Variants in SLBP observed in about 807,000 individuals in gnomAD.
SLBP encodes histone RNA hairpin-binding protein.
A neutral mutation model predicts 39.2 loss-of-function variants in SLBP; 29 were observed. The ratio of observed to expected loss-of-function variants is 0.74; its 90% CI spans 0.55 to 1.01. The LOEUF is 1.01. SLBP is among the 50% of genes least tolerant of loss of function. The pLI is 0.00. For synonymous variants in SLBP, 129 were observed against 118.7 expected, an observed-to-expected ratio of 1.09 and a Z score of -0.57; for missense variants, 390 against 350.2, an observed-to-expected ratio of 1.11 and a Z score of -0.91.
chr4:1,699,339 A>C (rs1430965341), intron 5 of SLBP, among the ~76,000 whole-genome samples: 2 of 152,214 alleles, frequency 1.3e-5, no homozygotes, highest in Non-Finnish European at 2.9e-5. Flanking sequence ...ATGTTATCTA[A>C]CATTCAAAAT....
At chr4:1,698,888 C>G (rs1342705911) in intron 5 of SLBP, among the ~76,000 whole-genome samples, 1 of 152,044 alleles carries the variant, frequency 6.6e-6, no homozygotes. Flanking sequence ...AATTCCTGGG[C>G]TGAAGCAGTT....
intron 6 of SLBP, among the ~76,000 whole-genome samples, chr4:1,695,461 G>A (rs1452483078): frequency 6.6e-6 from 1 of 152,188 alleles, no homozygotes; most frequent in Non-Finnish European, 1.5e-5. Context: ...TTGCCATGAT[G>A]CAGCAAAAGT....
At chr4:1,694,021 C>G (rs1274789447) in intron 7 of SLBP, among the ~76,000 whole-genome samples, 3 of 152,202 alleles carry the variant, frequency 2.0e-5, no homozygotes, top group South Asian at 2.1e-4. Context: ...AAAGCCTAGA[C>G]AAAACCACAA....
At chr4:1,701,479 T>C (rs768072478) in intron 3 of SLBP, among the ~76,000 whole-genome samples, 3 of 152,216 alleles carry the variant, frequency 2.0e-5, no homozygotes, top group Non-Finnish European at 4.4e-5. Context: ...ATATTGCTAG[T>C]TTGTAGTCTG....
At chr4:1,694,743 C>T in intron 7 of SLBP, 31 bp downstream of exon 7, 2 of 1,533,118 alleles carry the variant, frequency 1.3e-6, no homozygotes, top group Non-Finnish European at 1.8e-6. Context: ...CCTGCAACCC[C>T]CAAGCTGAAA....
chr4:1,703,355 T>C (rs1716401523), intron 3 of SLBP, among the ~76,000 whole-genome samples: 1 of 152,082 alleles, frequency 6.6e-6, no homozygotes, highest in South Asian at 2.1e-4. Context: ...GACAGTGGTC[T>C]TCAAGCTTGA....
Position 1,712,293 on chromosome 4 carries a change from G to A in SLBP, c.-105C>T, listed in dbSNP as rs552592290. The stretch of plus-strand genomic sequence containing the variant: ...GGCAGGGCCTGAGGCAGAAACCCGC[G>A]TCCCCGCGCCGGCGCTCACGAGCTC... On this transcript the variant is annotated 5_prime_UTR_variant, in exon 1 of 8. In the 5' UTR this introduces an upstream ATG that the reference lacks. Transcript: ENST00000489418. The A allele has an allele frequency of 1.0e-5, 7 of 685,046 alleles. No individual in the cohort carries two copies. The highest frequency in any genetic ancestry group is 7.7e-5 in the African/African-American group (4 of 51,784). The allele number at this position is 685,046 out of a possible 1,614,324, so 42.4% of individuals were successfully genotyped here. A position where few individuals can be genotyped will look rare whatever the true frequency, so the allele number is the denominator to read the frequency against.
intron 5 of SLBP, among the ~76,000 whole-genome samples, chr4:1,696,613 A>G (rs1260629937): frequency 1.3e-5 from 2 of 151,900 alleles, no homozygotes; most frequent in African/African-American, 4.8e-5. Context: ...AAAAACAGCT[A>G]GGGGCTGGGA....
Position 1,711,974 on chromosome 4 carries a change from G to T in SLBP, c.76C>A (p.Arg26=), listed in dbSNP as rs1279170489. The T allele has an allele frequency of 3.8e-6, 5 of 1,303,614 alleles. No individual in the cohort carries two copies. Among genetic ancestry groups the T allele is most frequent in the Non-Finnish European group, 3.9e-6 (4 of 1,026,618 alleles). 80.8% of individuals were successfully genotyped at this position (1,303,614 alleles called of 1,614,324 possible). The change falls in exon 2 of 8, where the codon CGA becomes AGA. Residue 26 remains arginine (R), a synonymous_variant. Coordinates refer to ENST00000489418, the MANE Select transcript of SLBP (RefSeq NM_006527.4). ...DGDASPPSPA[R]WSLGRKRRAD... ...CTGCGCTTCCGTCCCAGGCTCCATCGCGCGGGGGACGGCGGGCTGCGGGGA... is the reference window on the plus strand; with the variant it reads ...CTGCGCTTCCGTCCCAGGCTCCATCTCGCGGGGGACGGCGGGCTGCGGGGA...
Position 1,700,000 on chromosome 4 carries a change from A to C in SLBP, c.341+11T>G. 6.4e-7 allele frequency: 1 copy of C among 1,562,184 alleles called. No homozygotes were observed. Among genetic ancestry groups the C allele is most frequent in the Non-Finnish European group, 8.7e-7 (1 of 1,151,760 alleles). On this transcript the variant is annotated intron_variant, in intron 4 of 7. Transcript: ENST00000489418. The stretch of plus-strand genomic sequence containing the variant: ...ATCAAATTAGAAAAGAAACATTTAC[A>C]CAGCCTTTACCTTCCTGATGATGAT...
At chr4:1,698,871 A>G (rs1333874594) in intron 5 of SLBP, among the ~76,000 whole-genome samples, 1 of 152,074 alleles carries the variant, frequency 6.6e-6, no homozygotes, top group African/African-American at 2.4e-5. Context: ...GGTTCACTGT[A>G]ACGTTGAATT....
chr4:1,712,206 G>A lies in SLBP; in HGVS notation c.-18C>T. 2.4e-6 allele frequency: 3 copies of A among 1,245,156 alleles called. No homozygotes were observed. Among genetic ancestry groups the A allele is most frequent in the Non-Finnish European group, 2.0e-6 (2 of 996,508 alleles). 77.1% of individuals were successfully genotyped at this position (1,245,156 alleles called of 1,614,324 possible). A position where few individuals can be genotyped will look rare whatever the true frequency, so the allele number is the denominator to read the frequency against. On this transcript the variant is annotated 5_prime_UTR_variant, in exon 1 of 8. Coordinates refer to ENST00000489418, the MANE Select transcript of SLBP (RefSeq NM_006527.4). Reference sequence around the variant, plus strand: ...CAGGCCATGGCAGCACGGGCCGGGCGCGCAGCGCAGGGCCGAGGCTGAGGC... The same window carrying A: ...CAGGCCATGGCAGCACGGGCCGGGCACGCAGCGCAGGGCCGAGGCTGAGGC...
intron 3 of SLBP, among the ~76,000 whole-genome samples, chr4:1,701,197 G>A (rs1716315157): frequency 6.8e-6 from 1 of 146,782 alleles, no homozygotes; most frequent in Non-Finnish European, 1.5e-5. Flanking sequence ...CCAGACTGGA[G>A]TGCAATGGCG....
chr4:1,698,032 T>C (rs1577178789), intron 5 of SLBP, among the ~76,000 whole-genome samples: 1 of 151,174 alleles, frequency 6.6e-6, no homozygotes, highest in Non-Finnish European at 1.5e-5. Flanking sequence ...GAGGTTGAGG[T>C]AGGAGGATTG....
chr4:1,706,410 T>C (rs1168010685), intron 2 of SLBP, among the ~76,000 whole-genome samples: 1 of 152,256 alleles, frequency 6.6e-6, no homozygotes, highest in Non-Finnish European at 1.5e-5. Context: ...GAGTCCTTGC[T>C]GTGTCAGGAC....
rs1716310960 is a variant in SLBP at position 1,701,148 on chromosome 4, T to TTTC, written c.282-1079_282-1078insGAA. Among the ~76,000 whole-genome samples, 11 of 145,084 alleles carry TTTC rather than the reference T, an allele frequency of 7.6e-5. 1 individual carries two copies. In the South Asian group the frequency reaches 2.5e-3, roughly 33 times the overall value. ...TGAAAATCCATTTTCTTTTTTTTCT[T>TTTC]TTTTTTTTTTTTTTTGAGACGGAGT... On this transcript the variant is annotated intron_variant, in intron 3 of 7. Coordinates refer to ENST00000489418, the MANE Select transcript of SLBP (RefSeq NM_006527.4).
intron 5 of SLBP, among the ~76,000 whole-genome samples, chr4:1,697,484 A>ATAAG (rs1337114889): frequency 6.6e-6 from 1 of 151,940 alleles, no homozygotes; most frequent in Non-Finnish European, 1.5e-5. Context: ...AAATAAATAA[A>ATAAG]TAAAAAATCA....
chr4:1,707,644 T>G (rs1716574031), intron 2 of SLBP, among the ~76,000 whole-genome samples: 1 of 152,134 alleles, frequency 6.6e-6, no homozygotes, highest in Non-Finnish European at 1.5e-5. Flanking sequence ...TGATCACTAC[T>G]GACATTAAAA....
chr4:1,711,040 G>A (rs373867385), intron 2 of SLBP, among the ~76,000 whole-genome samples: 38 of 136,602 alleles, frequency 2.8e-4, no homozygotes, highest in African/African-American at 1.0e-3. Context: ...GACAGAGTGA[G>A]ACCCTGTCTT....
Sources: allele counts gnomAD v4.1 joint callset (sites outside exome capture counted in the v4.1 genomes callset), GRCh38; gene constraint gnomAD v4.1.1; transcripts MANE v1.5; gene names NCBI Gene and HGNC (gene_info 2026-07-23, HGNC 2026-07-21).